TRPM3: variants seen among roughly 807,000 people sequenced by gnomAD.
The protein encoded by TRPM3 is long transient receptor potential channel 3.
Under a neutral mutation model 181.2 loss-of-function variants are expected in TRPM3, and 77 were observed. That is an observed-to-expected ratio of 0.42 (90% CI 0.35 to 0.51). The LOEUF is 0.51. TRPM3 is among the 20% of genes least tolerant of loss of function. The probability of loss-of-function intolerance (pLI) is 0.01; values close to 1 mark genes in which losing one functional copy is unlikely to be tolerated. For synonymous variants in TRPM3, 745 were observed against 796.4 expected (o/e 0.94, Z 1.09); for missense variants, 1,759 against 2,196.7 (o/e 0.80, Z 3.98).
intron 1 of TRPM3, among the ~76,000 whole-genome samples, chr9:71,056,079 C>A (rs2060623025): frequency 6.6e-6 from 1 of 151,980 alleles, no homozygotes; most frequent in Non-Finnish European, 1.5e-5. Flanking sequence ...AGACCTAGAG[C>A]AAATTTTTCC....
At chr9:70,890,643 C>G (rs942516204) in intron 1 of TRPM3, among the ~76,000 whole-genome samples, 2 of 151,794 alleles carry the variant, frequency 1.3e-5, no homozygotes, top group Non-Finnish European at 1.5e-5. Context: ...ATGGGGATAT[C>G]TTGAAATTAT....
At chr9:70,833,949 C>A (rs561241419) in intron 5 of TRPM3, among the ~76,000 whole-genome samples, 1 of 151,744 alleles carries the variant, frequency 6.6e-6, no homozygotes, top group Non-Finnish European at 1.5e-5. Flanking sequence ...GGAACCTCTG[C>A]GTCTGAGATA....
At chr9:71,430,439 T>G (rs1240394000) in intron 1 of TRPM3, among the ~76,000 whole-genome samples, 1 of 152,166 alleles carries the variant, frequency 6.6e-6, no homozygotes, top group Non-Finnish European at 1.5e-5. Flanking sequence ...AAAGGCAACA[T>G]GTCCTAATTA....
chr9:70,854,122 T>C (rs147090672), intron 3 of TRPM3, among the ~76,000 whole-genome samples: 2 of 152,302 alleles, frequency 1.3e-5, no homozygotes, highest in East Asian at 3.9e-4. Flanking sequence ...TGATTTGAAA[T>C]TAGGAGCTAT....
chr9:71,421,453 T>C (rs976753697), intron 1 of TRPM3, among the ~76,000 whole-genome samples: 1 of 151,956 alleles, frequency 6.6e-6, no homozygotes, highest in Non-Finnish European at 1.5e-5. Flanking sequence ...GTGTCCCTCC[T>C]CCTTTCTCTA....
At position 70,534,483 on chromosome 9, in the gene TRPM3, T is replaced by C. The variant is rs1344270276; in HGVS notation, c.*1470A>G. On this transcript the variant is annotated 3_prime_UTR_variant, in exon 26 of 26. Coordinates refer to ENST00000677713, the MANE Select transcript of TRPM3 (RefSeq NM_001366145.2). Reference sequence around the variant, plus strand: ...GTCCAAGCCTCTTAAGAAAGCTCTTTATGTCCATTTATTTTATATATAAAT... The same window carrying C: ...GTCCAAGCCTCTTAAGAAAGCTCTTCATGTCCATTTATTTTATATATAAAT... 2.6e-5 allele frequency: 4 copies of C among 152,368 alleles called. No individual in the cohort carries two copies. The East Asian group carries it at 5.8e-4, about 22-fold the overall frequency. 9.4% of individuals were successfully genotyped at this position (152,368 alleles called of 1,614,324 possible). A position where few individuals can be genotyped will look rare whatever the true frequency, so the allele number is the denominator to read the frequency against.
chr9:71,428,869 G>T (rs181930422), intron 1 of TRPM3, among the ~76,000 whole-genome samples: 200 of 148,582 alleles, frequency 1.3e-3, no homozygotes, highest in African/African-American at 4.9e-3. Context: ...TCAAGAATTT[G>T]CTTCTTAATT....
At chr9:70,917,024 G>T in intron 1 of TRPM3, 1 of 1,575,116 alleles carries the variant, frequency 6.3e-7, no homozygotes. Flanking sequence ...AAGGTGAGTG[G>T]GTATAGAGAC....
intron 8 of TRPM3, among the ~76,000 whole-genome samples, chr9:70,697,054 G>A (rs1034601393): frequency 1.3e-5 from 2 of 152,084 alleles, no homozygotes; most frequent in Non-Finnish European, 2.9e-5. Flanking sequence ...CACTCGAGAA[G>A]AAGAAGCAAA....
At chr9:70,630,000 CATG>C (rs2133375050) in intron 12 of TRPM3, among the ~76,000 whole-genome samples, 1 of 152,314 alleles carries the variant, frequency 6.6e-6, no homozygotes, top group East Asian at 1.9e-4. Flanking sequence ...AGCCTCAGTG[CATG>C]ATACTAAGCT....
chr9:71,152,325 T>C (rs1283762531), intron 1 of TRPM3, among the ~76,000 whole-genome samples: 1 of 152,172 alleles, frequency 6.6e-6, no homozygotes, highest in Non-Finnish European at 1.5e-5. Context: ...GTTGTTTGCC[T>C]TGTACCTTGC....
chr9:71,372,607 A>T (rs2092551110), intron 1 of TRPM3, among the ~76,000 whole-genome samples: 1 of 152,150 alleles, frequency 6.6e-6, no homozygotes, highest in South Asian at 2.1e-4. Flanking sequence ...ATAATCAGTG[A>T]TGTTGAGCTT....
intron 1 of TRPM3, among the ~76,000 whole-genome samples, chr9:71,398,722 T>C (rs997912922): frequency 6.6e-6 from 1 of 152,168 alleles, no homozygotes; most frequent in African/African-American, 2.4e-5. Context: ...TCTTCATAAA[T>C]TACCCAGTCT....
intron 1 of TRPM3, among the ~76,000 whole-genome samples, chr9:71,032,341 T>G (rs1456323223): frequency 6.7e-6 from 1 of 150,044 alleles, no homozygotes; most frequent in Non-Finnish European, 1.5e-5. Flanking sequence ...AAAGAGAGCA[T>G]GATGAAAGAT....
intron 1 of TRPM3, among the ~76,000 whole-genome samples, chr9:70,918,017 T>C (rs1193576579): frequency 2.0e-5 from 3 of 150,706 alleles, no homozygotes; most frequent in East Asian, 3.9e-4. Flanking sequence ...TCAGACAAAA[T>C]AGATTTCAAG....
At chr9:71,398,400 T>C (rs181673226) in intron 1 of TRPM3, among the ~76,000 whole-genome samples, 1 of 152,306 alleles carries the variant, frequency 6.6e-6, no homozygotes, top group African/African-American at 2.4e-5. Flanking sequence ...ATCACTGATA[T>C]GGTTTGGCTC....
intron 1 of TRPM3, among the ~76,000 whole-genome samples, chr9:71,144,907 T>C (rs1453544934): frequency 6.6e-6 from 1 of 152,152 alleles, no homozygotes; most frequent in East Asian, 1.9e-4. Flanking sequence ...TTGTAATAAT[T>C]TGATAAAATA....
intron 1 of TRPM3, among the ~76,000 whole-genome samples, chr9:71,148,723 T>C (rs1387798972): frequency 6.6e-6 from 1 of 152,178 alleles, no homozygotes; most frequent in African/African-American, 2.4e-5. Flanking sequence ...GAAAACTTTC[T>C]TGAAGGAGTT....
chr9:71,412,083 A>G (rs1021134972), intron 1 of TRPM3, among the ~76,000 whole-genome samples: 1 of 152,218 alleles, frequency 6.6e-6, no homozygotes, highest in African/African-American at 2.4e-5. Flanking sequence ...CTTACACCTT[A>G]TGCAAAAATT....
Sources: gnomAD v4.1 joint callset for allele counts (sites outside exome capture counted in the v4.1 genomes callset) on GRCh38, gnomAD v4.1.1 for gene constraint, MANE v1.5 for transcripts, NCBI Gene and HGNC (gene_info 2026-07-23, HGNC 2026-07-21) for gene names.